TMEFF1: variants seen among roughly 807,000 people sequenced by gnomAD.
The protein encoded by TMEFF1 is transmembrane protein with EGF like and two follistatin like domains 1.
TMEFF1 carries 20 observed loss-of-function variants against 47.5 expected under a neutral mutation model. That is an observed-to-expected ratio of 0.42 (90% confidence interval 0.30 to 0.61). The LOEUF is 0.61. Among genes scored for constraint, TMEFF1 ranks in the 20% least tolerant of loss-of-function variants. The pLI is 0.19. For missense variants in TMEFF1, 411 were observed against 471.1 expected (o/e 0.87, Z 1.18); for synonymous variants, 162 against 166.3 (o/e 0.97, Z 0.20).
intron 3 of TMEFF1, among the ~76,000 whole-genome samples, chr9:100,509,495 C>T (rs911863161): frequency 1.2e-4 from 19 of 152,128 alleles, no homozygotes; most frequent in Admixed American, 4.6e-4. Flanking sequence ...TGAGGAAGGT[C>T]GGGTGCGGTG....
intron 5 of TMEFF1, among the ~76,000 whole-genome samples, chr9:100,539,090 G>C (rs1271645022): frequency 6.6e-6 from 1 of 152,136 alleles, no homozygotes; most frequent in Non-Finnish European, 1.5e-5. Flanking sequence ...TATTTTAGTA[G>C]AGACAGGGTT....
rs555907784 is a variant in TMEFF1, at chr9:100,575,252, T to TG, written c.1059-1264_1059-1263insG. On this transcript the variant is annotated intron_variant, in intron 9 of 9. Transcript: ENST00000374879. ...TAAAAGGATGTTCCCACTGACCTGT[T>TG]TATCAAGACTGCATGAGTCAATTTT... Among the ~76,000 whole-genome samples, 664 of 152,332 alleles carry TG rather than the reference T, an allele frequency of 4.4e-3. 4 individuals carry two copies. Among genetic ancestry groups the TG allele is most frequent in the Non-Finnish European group, 7.2e-3 (487 of 68,030 alleles).
intron 5 of TMEFF1, among the ~76,000 whole-genome samples, chr9:100,544,411 A>G (rs936348242): frequency 3.9e-5 from 6 of 152,010 alleles, no homozygotes; most frequent in African/African-American, 1.5e-4. Flanking sequence ...GTGCAGAGGA[A>G]CTCCTATTTT....
chr9:100,549,898 A>G (rs1238251733), intron 6 of TMEFF1, among the ~76,000 whole-genome samples, 197 bp from the exon 7 acceptor site: 1 of 152,222 alleles, frequency 6.6e-6, no homozygotes, highest in Non-Finnish European at 1.5e-5. Flanking sequence ...TTCATCATGC[A>G]AAGAGCACTT....
chr9:100,518,033 C>G (rs913374506), intron 5 of TMEFF1, among the ~76,000 whole-genome samples: 1 of 152,174 alleles, frequency 6.6e-6, no homozygotes, highest in Middle Eastern at 3.4e-3. Flanking sequence ...GTTTTTATTC[C>G]TTTCGCGGTG....
At chr9:100,535,040 T>A (rs1838475972) in intron 5 of TMEFF1, among the ~76,000 whole-genome samples, 1 of 152,208 alleles carries the variant, frequency 6.6e-6, no homozygotes, top group South Asian at 2.1e-4. Flanking sequence ...AAAACCATTT[T>A]TAGCTTCTGG....
rs143853666 is a variant in TMEFF1 at position 100,568,317 on chromosome 9, G to A, written c.900-4201G>A. On this transcript the variant is annotated intron_variant, in intron 8 of 9. Coordinates refer to ENST00000374879, the MANE Select transcript of TMEFF1 (RefSeq NM_003692.5). ...CTTATGGAACTGTTTTTATATTACT[G>A]AGCTTTGACTATTGGCCATTAGCCT... Among the ~76,000 whole-genome samples, 18 of 152,172 alleles carry A rather than the reference G, an allele frequency of 1.2e-4. No individual in the cohort carries two copies. In the East Asian group the frequency reaches 3.5e-3, roughly 29 times the overall value.
chr9:100,544,625 C>T (rs978314352), intron 5 of TMEFF1, among the ~76,000 whole-genome samples: 9 of 152,198 alleles, frequency 5.9e-5, no homozygotes, highest in East Asian at 1.9e-4. Context: ...CTCATGTCCT[C>T]ACATTTCAAA....
intron 7 of TMEFF1, among the ~76,000 whole-genome samples, chr9:100,556,416 G>A (rs1031799234): frequency 2.0e-5 from 3 of 152,100 alleles, no homozygotes; most frequent in Non-Finnish European, 1.5e-5. Context: ...TTAAATGTGC[G>A]GGGTTAGTGC....
At chr9:100,539,112 G>A (rs931540112) in intron 5 of TMEFF1, among the ~76,000 whole-genome samples, 1 of 152,134 alleles carries the variant, frequency 6.6e-6, no homozygotes, top group Non-Finnish European at 1.5e-5. Flanking sequence ...CGCCATGTTG[G>A]CCAGGCTGGT....
At chr9:100,570,494 G>C (rs985065475) in intron 8 of TMEFF1, among the ~76,000 whole-genome samples, 2 of 152,060 alleles carry the variant, frequency 1.3e-5, no homozygotes, top group Admixed American at 6.6e-5. Flanking sequence ...TCATCCTTTT[G>C]TGTGTGGATA....
At chr9:100,534,305 T>C (rs1204200416) in intron 5 of TMEFF1, among the ~76,000 whole-genome samples, 1 of 152,180 alleles carries the variant, frequency 6.6e-6, no homozygotes, top group Non-Finnish European at 1.5e-5. Flanking sequence ...GTTTTTTTGA[T>C]TGGGGGCTTT....
At chr9:100,536,336 TTTA>T (rs1838506374) in intron 5 of TMEFF1, among the ~76,000 whole-genome samples, 1 of 152,186 alleles carries the variant, frequency 6.6e-6, no homozygotes, top group African/African-American at 2.4e-5. Flanking sequence ...CAAAAAATTT[TTTA>T]AATGAAAGTG....
At chr9:100,497,840 G>C (rs183011350) in intron 1 of TMEFF1, among the ~76,000 whole-genome samples, 36 of 151,950 alleles carry the variant, frequency 2.4e-4, no homozygotes, top group South Asian at 6.2e-4. Flanking sequence ...CTTAGCTTTT[G>C]AGCAGCAGAA....
In TMEFF1 at chr9:100,510,588, G is replaced by A. The variant is rs551379405; in HGVS notation, c.436+1454G>A. Among the ~76,000 whole-genome samples the A allele has an allele frequency of 9.9e-5, 15 of 152,186 alleles. No homozygotes were observed. The South Asian group carries it at 2.7e-3, about 27-fold the overall frequency. ...AGGCTCAAGGGATCCTCCCACCTCC[G>A]TCTCCTGAGTAGCTGGGACTACAGA... On this transcript the variant is annotated intron_variant, in intron 3 of 9. Transcript: ENST00000374879.
intron 5 of TMEFF1, among the ~76,000 whole-genome samples, chr9:100,546,442 A>G (rs1359897701): frequency 1.4e-5 from 2 of 142,410 alleles, no homozygotes; most frequent in South Asian, 2.8e-4. Context: ...CCCCCCCACC[A>G]GGTTCCTCCC....
At chr9:100,507,691 T>A (rs368560796) in intron 2 of TMEFF1, among the ~76,000 whole-genome samples, 3 of 152,308 alleles carry the variant, frequency 2.0e-5, no homozygotes, top group Admixed American at 6.5e-5. Context: ...CTATTTTTAA[T>A]GGAATTATTT....
chr9:100,484,829 C>T (rs958861515), intron 1 of TMEFF1, among the ~76,000 whole-genome samples: 1 of 151,374 alleles, frequency 6.6e-6, no homozygotes, highest in Non-Finnish European at 1.5e-5. Context: ...AGGTGCCTGT[C>T]ACTGCGCCTG....
Position 100,509,064 on chromosome 9 carries a change from C to T in TMEFF1, c.366C>T (p.Cys122=). The change falls in exon 3 of 10, where the codon TGC becomes TGT. Residue 122 remains cysteine, a synonymous_variant. Transcript: ENST00000374879. ...ATGGGGACACTTATCAAAATGAATGCTTTCTCAGAAGGGCTGCTTGTAAGC... is the reference window on the plus strand; with the variant it reads ...ATGGGGACACTTATCAAAATGAATGTTTTCTCAGAAGGGCTGCTTGTAAGC... ...GSNGDTYQNE[C]FLRRAACKHQ... is the part of the protein sequence containing the mutation. 1.2e-6 allele frequency: 2 copies of T among 1,603,490 alleles called. No homozygotes were observed. Among genetic ancestry groups the T allele is most frequent in the Non-Finnish European group, 1.7e-6 (2 of 1,175,688 alleles).
Sources: gnomAD v4.1 joint callset for allele counts (sites outside exome capture counted in the v4.1 genomes callset) on GRCh38, gnomAD v4.1.1 for gene constraint, MANE v1.5 for transcripts, NCBI Gene and HGNC (gene_info 2026-07-23, HGNC 2026-07-21) for gene names.